Variants in NUDT19 observed in about 807,000 individuals in gnomAD.
NUDT19 encodes the protein nudix hydrolase 19, also known as acyl-coenzyme A diphosphatase NUDT19.
In NUDT19, 31 loss-of-function variants were observed where a neutral mutation model predicts 22.2. That is an observed-to-expected ratio of 1.40 (90% CI 1.05 to 1.89). NUDT19 has a LOEUF of 1.89. Ranked by LOEUF, NUDT19 falls within the 40% of genes most tolerant of loss-of-function variation. NUDT19 has a pLI of 0.00. For missense variants in NUDT19, 752 were observed against 514.2 expected, an observed-to-expected ratio of 1.46 and a Z score of -4.47; for synonymous variants, 325 against 230.8, an observed-to-expected ratio of 1.41 and a Z score of -3.70.
rs759922168 is a variant in NUDT19 at position 32,692,333 on chromosome 19, C to T, written c.373C>T (p.Arg125Cys). ...TGTLPEDVAF[R>C]ICAVREAFEE... ...GACGCTGCCTGAGGACGTAGCCTTC[C>T]GCATCTGCGCCGTGCGGGAGGCCTT... Residue 125 changes from arginine (R) to cysteine (C), a missense_variant, in exon 1 of 3, where the codon CGC (arginine) becomes TGC (cysteine). Coordinates refer to ENST00000397061, the MANE Select transcript of NUDT19 (RefSeq NM_001105570.2). 9.4e-6 allele frequency: 15 copies of T among 1,590,920 alleles called. No individual in the cohort carries two copies. The highest frequency in any genetic ancestry group is 2.3e-5 in the East Asian group (1 of 44,052).
Position 32,692,237 on chromosome 19 carries a change from C to G in NUDT19, c.277C>G (p.Pro93Ala). The change falls in exon 1 of 3, where the codon CCG becomes GCG. Residue 93 changes from proline (P) to alanine (A), a missense_variant. Coordinates refer to ENST00000397061, the MANE Select transcript of NUDT19 (RefSeq NM_001105570.2). ...HHGPPRFGLG[P>A]APFSRTAFPS... ...CGGGCCGCCGCGCTTCGGCCTGGGC[C>G]CGGCGCCATTCAGCCGCACCGCTTT... 6.3e-7 allele frequency: 1 copy of G among 1,589,930 alleles called. No homozygotes were observed. The highest frequency in any genetic ancestry group is 1.1e-5 in the South Asian group (1 of 90,152).
chr19:32,692,045 A>ACCGCCACC lies in NUDT19; in HGVS notation c.91_98dup (p.Ser34ProfsTer92). ...GGCGGCTGGCTGGTCGCGCCCGGAG[A>ACCGCCACC]CCGCCACCCCGCCGTCGCGCCCGCC... On this transcript the variant is annotated frameshift_variant, in exon 1 of 3. Transcript: ENST00000397061. LOFTEE classifies it high-confidence loss of function. 3 of 1,276,420 alleles carry ACCGCCACC rather than the reference A, an allele frequency of 2.4e-6. No homozygotes were observed. The highest frequency in any genetic ancestry group is 3.0e-6 in the Non-Finnish European group (3 of 1,016,674). 79.1% of individuals were successfully genotyped at this position (1,276,420 alleles called of 1,614,324 possible).
Position 32,692,217 on chromosome 19 carries a change from C to A in NUDT19, c.257C>A (p.Pro86Gln), listed in dbSNP as rs754460663. 3 of 1,583,370 alleles carry A rather than the reference C, an allele frequency of 1.9e-6. No individual in the cohort carries two copies. Among genetic ancestry groups the A allele is most frequent in the African/African-American group, 2.8e-5 (2 of 72,620 alleles). Residue 86 changes from proline (P) to glutamine (Q), a missense_variant, in exon 1 of 3, where the codon CCG becomes CAG. Physicochemically the swap from Pro to Gln is moderately conservative, Grantham distance 76. Transcript: ENST00000397061. ...GGCCTCTTCGCGCCGCACCACGGGC[C>A]GCCGCGCTTCGGCCTGGGCCCGGCG... Reference protein sequence around the residue: ...WLGLFAPHHGPPRFGLGPAPF... With the variant: ...WLGLFAPHHGQPRFGLGPAPF...
At position 32,713,410 on chromosome 19, in the gene NUDT19, C is replaced by T. The variant is rs964879738; in HGVS notation, c.*1453C>T. 2.6e-5 allele frequency: 4 copies of T among 152,212 alleles called. No homozygotes were observed. The highest frequency in any genetic ancestry group is 9.6e-5 in the African/African-American group (4 of 41,460). 9.4% of individuals were successfully genotyped at this position (152,212 alleles called of 1,614,324 possible). On this transcript the variant is annotated 3_prime_UTR_variant, in exon 3 of 3. Transcript: ENST00000397061. ...TTCTGACCTGAGGTGATCTGCCCACCTTGGCCTCACAAAGTGCTGAGATTA... is the reference window on the plus strand; with the variant it reads ...TTCTGACCTGAGGTGATCTGCCCACTTTGGCCTCACAAAGTGCTGAGATTA...
chr19:32,699,092 G>A (rs1030994972), intron 1 of NUDT19, among the ~76,000 whole-genome samples: 1 of 152,192 alleles, frequency 6.6e-6, no homozygotes, highest in Non-Finnish European at 1.5e-5. Context: ...TAAAATTCCA[G>A]ATAATCCCCC....
chr19:32,706,733 C>T (rs1014258812), intron 1 of NUDT19, among the ~76,000 whole-genome samples: 5 of 152,152 alleles, frequency 3.3e-5, no homozygotes, highest in African/African-American at 1.2e-4. Flanking sequence ...GGGCCTAATT[C>T]ATCAATTAAA....
chr19:32,710,191 A>C (rs1004235832), intron 2 of NUDT19, among the ~76,000 whole-genome samples: 1 of 141,708 alleles, frequency 7.1e-6, no homozygotes, highest in African/African-American at 2.6e-5. Flanking sequence ...TTTTTGTATT[A>C]TTAGTAGAGA....
intron 1 of NUDT19, 50 bp from the exon 2 acceptor site, chr19:32,709,135 A>C: frequency 7.8e-7 from 1 of 1,285,590 alleles, no homozygotes; most frequent in African/African-American, 1.5e-5. Flanking sequence ...CTCAAGTCTC[A>C]CATTGTCTAT....
intron 1 of NUDT19, 64 bp downstream of exon 1, chr19:32,692,738 G>A (rs988967927): frequency 4.7e-5 from 61 of 1,289,376 alleles, no homozygotes; most frequent in Non-Finnish European, 5.6e-5. Flanking sequence ...CCCTCCCAGC[G>A]GCCCAGGCCC....
intron 1 of NUDT19, among the ~76,000 whole-genome samples, chr19:32,706,449 C>G (rs12975541): frequency 2.0e-5 from 3 of 152,060 alleles, no homozygotes; most frequent in Non-Finnish European, 2.9e-5. Context: ...CCTTGGGGGC[C>G]GAGGCGGGCA....
rs1056691310 is a variant in NUDT19 at position 32,712,114 on chromosome 19, G to T, written c.*157G>T. The T allele has an allele frequency of 3.3e-6, 2 of 612,258 alleles. No individual in the cohort carries two copies. The highest frequency in any genetic ancestry group is 3.7e-5 in the African/African-American group (2 of 54,008). 37.9% of individuals were successfully genotyped at this position (612,258 alleles called of 1,614,324 possible). On this transcript the variant is annotated 3_prime_UTR_variant, in exon 3 of 3. Coordinates refer to ENST00000397061, the MANE Select transcript of NUDT19 (RefSeq NM_001105570.2). Reference sequence around the variant, plus strand: ...TTTCGAGACAGAGTCTCAATCTGTCGCCCAGGCTGGAGTGCAGTGGCATGA... The same window carrying T: ...TTTCGAGACAGAGTCTCAATCTGTCTCCCAGGCTGGAGTGCAGTGGCATGA...
chr19:32,708,608 G>A (rs1432190491), intron 1 of NUDT19, among the ~76,000 whole-genome samples: 2 of 152,158 alleles, frequency 1.3e-5, no homozygotes, highest in Admixed American at 6.6e-5. Flanking sequence ...TCTCTTGACT[G>A]TAGGCTGAGT....
chr19:32,706,409 G>A (rs1156579906), intron 1 of NUDT19, among the ~76,000 whole-genome samples: 1 of 152,232 alleles, frequency 6.6e-6, no homozygotes, highest in Non-Finnish European at 1.5e-5. Context: ...TGTTGGCTGA[G>A]CACGGTGGCT....
rs1290949808 is a variant in NUDT19 at position 32,692,374 on chromosome 19, G to C, written c.414G>C (p.Val138=). 6.3e-7 allele frequency: 1 copy of C among 1,587,122 alleles called. No individual in the cohort carries two copies. ...AVREAFEEAG[V]LLLRPRTSPP... ...GGGAGGCCTTTGAGGAGGCGGGCGT[G>C]CTGCTGCTGCGGCCCAGGACTTCCC... Residue 138 remains valine, a synonymous_variant, in exon 1 of 3, where the codon GTG becomes GTC. Coordinates refer to ENST00000397061, the MANE Select transcript of NUDT19 (RefSeq NM_001105570.2).
At chr19:32,706,425 C>G (rs1968387688) in intron 1 of NUDT19, among the ~76,000 whole-genome samples, 1 of 152,182 alleles carries the variant, frequency 6.6e-6, no homozygotes, top group East Asian at 1.9e-4. Context: ...TGGCTCATGC[C>G]TGTAATCCCA....
rs970526676 is a variant in NUDT19, at chr19:32,710,027, CT to C, written c.922+644del. Among the ~76,000 whole-genome samples the C allele has an allele frequency of 2.1e-3, 306 of 146,974 alleles. 2 individuals carry two copies. Among genetic ancestry groups the C allele is most frequent in the African/African-American group, 7.4e-3 (295 of 40,016 alleles). On this transcript the variant is annotated intron_variant, in intron 2 of 2. Transcript: ENST00000397061. ...TTGTCATCTAATTTGAATTAGGGAG[CT>C]TTTTTTTTGAGACAGAGTTTTGCTC...
intron 1 of NUDT19, among the ~76,000 whole-genome samples, chr19:32,694,059 G>A (rs550563904): frequency 2.8e-4 from 43 of 152,304 alleles, no homozygotes; most frequent in Non-Finnish European, 4.7e-4. Flanking sequence ...TTGGGTTTCC[G>A]TTTGTAAGAC....
At chr19:32,701,542 T>C (rs1456214292) in intron 1 of NUDT19, among the ~76,000 whole-genome samples, 1 of 152,180 alleles carries the variant, frequency 6.6e-6, no homozygotes, top group Non-Finnish European at 1.5e-5. Context: ...CATCAGGTGC[T>C]GAGAGAGGAA....
rs1196392542 is a variant in NUDT19 at position 32,691,941 on chromosome 19, G to T, written c.-20G>T. 1 of 1,213,134 alleles carries T rather than the reference G, an allele frequency of 8.2e-7. No individual in the cohort carries two copies. 75.1% of individuals were successfully genotyped at this position (1,213,134 alleles called of 1,614,324 possible). A position where few individuals can be genotyped will look rare whatever the true frequency, so the allele number is the denominator to read the frequency against. The stretch of plus-strand genomic sequence containing the variant: ...TGGAGCTCAGGCCGCGCCAGAATCG[G>T]ATCCGGGAAGCTGCGCGCCATGAGC... On this transcript the variant is annotated 5_prime_UTR_variant, in exon 1 of 3. Transcript: ENST00000397061.
Sources: gnomAD v4.1 joint callset for allele counts (sites outside exome capture counted in the v4.1 genomes callset) on GRCh38, gnomAD v4.1.1 for gene constraint, MANE v1.5 for transcripts, NCBI Gene and HGNC (gene_info 2026-07-23, HGNC 2026-07-21) for gene names.